NOL4L: variants seen among roughly 807,000 people sequenced by gnomAD.
NOL4L encodes nucleolar protein 4-like.
In NOL4L, 7 loss-of-function variants were observed where a neutral mutation model predicts 64.5. The observed-to-expected ratio is 0.11, with a 90% CI of 0.06 to 0.20. NOL4L has a LOEUF of 0.20. Among genes scored for constraint, NOL4L ranks in the 10% least tolerant of loss-of-function variants. The pLI, the probability that NOL4L is intolerant of heterozygous loss-of-function variation, is 1.00. For synonymous variants in NOL4L, 413 were observed against 401.0 expected, an observed-to-expected ratio of 1.03 and a Z score of -0.36; for missense variants, 680 against 967.1, an observed-to-expected ratio of 0.70 and a Z score of 3.94.
intron 2 of NOL4L, 105 bp downstream of exon 2, chr20:32,527,653 C>T (rs574307545): frequency 1.1e-4 from 150 of 1,350,130 alleles, no homozygotes; most frequent in South Asian, 1.5e-4. Context: ...CGTTTCATCA[C>T]GCCTCAGCTC....
intron 4 of NOL4L, among the ~76,000 whole-genome samples, chr20:32,494,351 G>A (rs896089005): frequency 5.3e-5 from 8 of 150,262 alleles, no homozygotes; most frequent in Non-Finnish European, 1.0e-4. Context: ...GTTTCCCTGT[G>A]TGCTGAGGAA....
chr20:32,488,805 T>TCC (rs377521629), intron 4 of NOL4L, among the ~76,000 whole-genome samples: 1,176 of 29,786 alleles, frequency 0.039, 40 homozygotes, highest in East Asian at 0.12. Context: ...CTTTCTTTCT[T>TCC]TTTCTTTCTT....
At chr20:32,581,046 GA>G (rs1034141366) in intron 1 of NOL4L, among the ~76,000 whole-genome samples, 5 of 152,238 alleles carry the variant, frequency 3.3e-5, no homozygotes, top group Non-Finnish European at 4.4e-5. Flanking sequence ...CCAAACGTAA[GA>G]AATAATAAAT....
At chr20:32,568,910 G>A (rs755176610) in intron 1 of NOL4L, among the ~76,000 whole-genome samples, 1 of 152,144 alleles carries the variant, frequency 6.6e-6, no homozygotes, top group Admixed American at 6.5e-5. Flanking sequence ...CCTCATGTTG[G>A]CCCCACAACA....
At chr20:32,551,130 C>G (rs946164781) in intron 1 of NOL4L, among the ~76,000 whole-genome samples, 1 of 152,070 alleles carries the variant, frequency 6.6e-6, no homozygotes, top group Non-Finnish European at 1.5e-5. Flanking sequence ...AATCTCGGCA[C>G]TTTGGGAGGC....
At chr20:32,448,573 C>A (rs2012549820) in intron 10 of NOL4L, among the ~76,000 whole-genome samples, 3 of 152,164 alleles carry the variant, frequency 2.0e-5, no homozygotes, top group Admixed American at 2.0e-4. Context: ...CTCGAATCCC[C>A]CCTCCTGGGA....
chr20:32,573,203 G>C (rs1342316563), intron 1 of NOL4L, among the ~76,000 whole-genome samples: 1 of 152,020 alleles, frequency 6.6e-6, no homozygotes, highest in African/African-American at 2.4e-5. Flanking sequence ...TTATTATAGA[G>C]ACACAGTCTC....
intron 4 of NOL4L, among the ~76,000 whole-genome samples, chr20:32,488,751 C>T (rs192345682): frequency 0.033 from 1,504 of 45,856 alleles, 67 homozygotes; most frequent in African/African-American, 0.16. Flanking sequence ...CTTTCTTTTC[C>T]TTCCTTCCTT....
At position 32,521,150 on chromosome 20, in the gene NOL4L, T is replaced by G. The variant is rs148815249; in HGVS notation, c.478-228A>C. On this transcript the variant is annotated intron_variant, in intron 2 of 10. Transcript: ENST00000621426. ...AATCGCAATAAAGGAGGTTAAAAAT[T>G]GAAAAAGCAAACCCTTTAAACATTA... 6.8e-3 allele frequency among the ~76,000 whole-genome samples: 1,038 copies of G among 152,300 alleles called. 10 individuals are homozygous for G. Among genetic ancestry groups the G allele is most frequent in the African/African-American group, 0.024 (1,004 of 41,570 alleles).
At chr20:32,524,881 G>A (rs1212927819) in intron 2 of NOL4L, among the ~76,000 whole-genome samples, 1 of 152,202 alleles carries the variant, frequency 6.6e-6, no homozygotes, top group South Asian at 2.1e-4. Context: ...GTGACAGATG[G>A]GGAGGAGAAG....
intron 5 of NOL4L, among the ~76,000 whole-genome samples, chr20:32,459,700 A>C (rs2013875429): frequency 6.6e-6 from 1 of 151,738 alleles, no homozygotes; most frequent in Non-Finnish European, 1.5e-5. Context: ...TAATTTTTAA[A>C]GTTTTCTTTT....
intron 1 of NOL4L, among the ~76,000 whole-genome samples, chr20:32,577,966 C>A (rs990567041): frequency 1.3e-5 from 2 of 152,060 alleles, no homozygotes; most frequent in Non-Finnish European, 2.9e-5. Flanking sequence ...CATTTGGGGG[C>A]CCTACGTGCA....
At chr20:32,448,710 A>G (rs1336445217) in intron 10 of NOL4L, among the ~76,000 whole-genome samples, 2 of 152,164 alleles carry the variant, frequency 1.3e-5, no homozygotes, top group East Asian at 3.9e-4. Flanking sequence ...TCCTCGGATG[A>G]TGGCAAAGAG....
chr20:32,493,373 G>A (rs1301874537), intron 4 of NOL4L, among the ~76,000 whole-genome samples: 3 of 152,158 alleles, frequency 2.0e-5, no homozygotes, highest in South Asian at 2.1e-4. Context: ...TCTGGGGCCC[G>A]GGATGCTGCA....
At position 32,446,810 on chromosome 20, in the gene NOL4L, A is replaced by C. The variant is rs983482843; in HGVS notation, c.*786T>G. 1.0e-5 allele frequency: 2 copies of C among 198,846 alleles called. No homozygotes were observed. The highest frequency in any genetic ancestry group is 4.8e-5 in the African/African-American group (2 of 41,774). The allele number at this position is 198,846 out of a possible 1,614,324, so 12.3% of individuals were successfully genotyped here. On this transcript the variant is annotated 3_prime_UTR_variant, in exon 11 of 11. Transcript: ENST00000621426. Reference sequence around the variant, plus strand: ...CACGCTGGAGTGTGAGGTAGAATACAGGTGACCATGGACTGGGGCTTCTGT... The same window carrying C: ...CACGCTGGAGTGTGAGGTAGAATACCGGTGACCATGGACTGGGGCTTCTGT...
At chr20:32,468,900 C>CAAAAAAAAAA (rs555969764) in intron 5 of NOL4L, among the ~76,000 whole-genome samples, 1 of 95,298 alleles carries the variant, frequency 1.0e-5, no homozygotes, top group African/African-American at 3.7e-5. Context: ...GACTCCATCT[C>CAAAAAAAAAA]AAAAAAAAAA....
At chr20:32,525,087 G>A (rs543300851) in intron 2 of NOL4L, among the ~76,000 whole-genome samples, 58 of 152,336 alleles carry the variant, frequency 3.8e-4, no homozygotes, top group South Asian at 2.7e-3. Flanking sequence ...AGTGGGGCAC[G>A]CGGCAGGCAT....
rs1568643237 is a variant in NOL4L, at chr20:32,485,085, A to AAAAAAAAAAAAC, written c.700-10344_700-10343insGTTTTTTTTTTT. 7.6e-5 allele frequency among the ~76,000 whole-genome samples: 11 copies of AAAAAAAAAAAAC among 144,414 alleles called. No individual in the cohort carries two copies. In the East Asian group the frequency reaches 1.3e-3, roughly 17 times the overall value. 94.7% of individuals were successfully genotyped at this position (144,414 alleles called of 152,430 possible). A position where few individuals can be genotyped will look rare whatever the true frequency, so the allele number is the denominator to read the frequency against. On this transcript the variant is annotated intron_variant, in intron 4 of 10. Transcript: ENST00000621426. ...AAAAAAAAAAAAAAAAAAAAAAAAA[A>AAAAAAAAAAAAC]AACAACTAAAAAAAAACCCTGATAA...
intron 4 of NOL4L, among the ~76,000 whole-genome samples, chr20:32,488,811 T>TTC (rs1568648387): frequency 1.3e-3 from 30 of 22,686 alleles, no homozygotes; most frequent in Non-Finnish European, 1.6e-3. Context: ...TTCTTTTTCT[T>TTC]TCTTTCTTTC....
Sources: gnomAD v4.1 joint callset for allele counts (sites outside exome capture counted in the v4.1 genomes callset) on GRCh38, gnomAD v4.1.1 for gene constraint, MANE v1.5 for transcripts, NCBI Gene and HGNC (gene_info 2026-07-23, HGNC 2026-07-21) for gene names.